Variants in TMTC1 observed in about 807,000 individuals in gnomAD.
The protein encoded by TMTC1 is transmembrane O-mannosyltransferase targeting cadherins 1.
In TMTC1, 73 loss-of-function variants were observed where a neutral mutation model predicts 104.8. That is an observed-to-expected ratio of 0.70 (90% CI 0.58 to 0.85). The LOEUF (loss-of-function observed/expected upper bound fraction) is 0.85, where lower values mean the gene tolerates loss of function less well. TMTC1 is among the 40% of genes least tolerant of loss of function. The probability of loss-of-function intolerance (pLI) is 0.00; values close to 1 mark genes in which losing one functional copy is unlikely to be tolerated. For missense variants in TMTC1, 1,035 were observed against 1,096.1 expected (o/e 0.94, Z 0.79); for synonymous variants, 434 against 428.7 (o/e 1.01, Z -0.15).
chr12:29,650,563 A>G (rs1344525911), intron 5 of TMTC1, among the ~76,000 whole-genome samples: 14 of 152,214 alleles, frequency 9.2e-5, no homozygotes, highest in Non-Finnish European at 7.3e-5. Context: ...TCATCCTTTC[A>G]GTGACCAGAT....
At chr12:29,763,244 G>C (rs1373431507) in intron 2 of TMTC1, among the ~76,000 whole-genome samples, 1 of 152,228 alleles carries the variant, frequency 6.6e-6, no homozygotes. Context: ...GAAGCTCAAA[G>C]AGGGTGTTCA....
chr12:29,516,599 T>G, intron 14 of TMTC1, 113 bp from the exon 15 acceptor site: 1 of 1,269,576 alleles, frequency 7.9e-7, no homozygotes, highest in Non-Finnish European at 1.1e-6. Flanking sequence ...TCAGCATCAA[T>G]TTAGTGACTC....
In TMTC1 at chr12:29,605,620, C is replaced by T. The variant is rs145867703; in HGVS notation, c.1129-1321G>A. On this transcript the variant is annotated intron_variant, in intron 6 of 17. Transcript: ENST00000539277. Reference sequence around the variant, plus strand: ...ACAAATTCATTTTATTTAAAAGCTGCAAGCTATCTTTTTAATTTAGACTAT... The same window carrying T: ...ACAAATTCATTTTATTTAAAAGCTGTAAGCTATCTTTTTAATTTAGACTAT... Among the ~76,000 whole-genome samples the T allele has an allele frequency of 7.2e-4, 106 of 148,008 alleles. No homozygotes were observed. In the East Asian group the frequency reaches 0.017, roughly 24 times the overall value.
At chr12:29,568,746 C>T in intron 9 of TMTC1, 1 of 346,162 alleles carries the variant, frequency 2.9e-6, no homozygotes, top group East Asian at 7.3e-5. Flanking sequence ...TGACTTTATT[C>T]AGGGAGAATC....
At position 29,516,371 on chromosome 12, in the gene TMTC1, C is replaced by A. The variant is rs746507310; in HGVS notation, c.2285G>T (p.Ser762Ile). 2 of 1,613,644 alleles carry A rather than the reference C, an allele frequency of 1.2e-6. No individual in the cohort carries two copies. Among genetic ancestry groups the A allele is most frequent in the Non-Finnish European group, 1.7e-6 (2 of 1,179,736 alleles). ...TACCTTGTCGTGGTTCTCCTGCTTG[C>A]TATAGATGGCTGACAAGAGGCGATA... Reference protein sequence around the residue: ...ECYRLLSAIYSKQENHDKALD... With the variant: ...ECYRLLSAIYIKQENHDKALD... Residue 762 changes from serine (S) to isoleucine (I), a missense_variant, in exon 15 of 18, where the codon AGC becomes ATC. By Grantham distance (142) the Ser-to-Ile change is moderately radical (BLOSUM62 -2). Coordinates refer to ENST00000539277, the MANE Select transcript of TMTC1 (RefSeq NM_001193451.2).
chr12:29,593,363 T>C (rs915019043), intron 7 of TMTC1, among the ~76,000 whole-genome samples: 1 of 152,226 alleles, frequency 6.6e-6, no homozygotes, highest in Non-Finnish European at 1.5e-5. Flanking sequence ...TATACTACTC[T>C]ATCAGTTACA....
Position 29,526,921 on chromosome 12 carries a change from AT to A in TMTC1, c.1786-6202del, listed in dbSNP as rs1944365263. Among the ~76,000 whole-genome samples, 3 of 152,212 alleles carry A rather than the reference AT, an allele frequency of 2.0e-5. 1 individual carries two copies. In the South Asian group the frequency reaches 6.2e-4, roughly 31 times the overall value. On this transcript the variant is annotated intron_variant, in intron 11 of 17. Coordinates refer to ENST00000539277, the MANE Select transcript of TMTC1 (RefSeq NM_001193451.2). ...TGGAACATATATTAATAATGTATTC[AT>A]AAAAACATAACTCAAGGCTAAACAT...
chr12:29,565,733 GTTAC>G (rs1306177203), intron 9 of TMTC1, among the ~76,000 whole-genome samples: 1 of 152,132 alleles, frequency 6.6e-6, no homozygotes, highest in Non-Finnish European at 1.5e-5. Flanking sequence ...TGTAATCCCA[GTTAC>G]TTGGGAGGCT....
rs113702844 is a variant in TMTC1 at position 29,635,816 on chromosome 12, C to T, written c.939-2480G>A. Among the ~76,000 whole-genome samples the T allele has an allele frequency of 5.8e-3, 876 of 152,220 alleles. 6 individuals are homozygous for T. The highest frequency in any genetic ancestry group is 0.02 in the African/African-American group (823 of 41,540). ...AATCCAGACTGTGGGAAACAAAGGG[C>T]CCAGATTCTTAAACAAGTACGTTGT... On this transcript the variant is annotated intron_variant, in intron 5 of 17. Transcript: ENST00000539277.
chr12:29,774,054 T>C (rs945802565), intron 1 of TMTC1, among the ~76,000 whole-genome samples: 1 of 152,154 alleles, frequency 6.6e-6, no homozygotes, highest in Non-Finnish European at 1.5e-5. Context: ...GCAGGTGGCA[T>C]GTGATAAACG....
At chr12:29,746,402 A>G (rs1942956931) in intron 5 of TMTC1, among the ~76,000 whole-genome samples, 1 of 152,190 alleles carries the variant, frequency 6.6e-6, no homozygotes, top group African/African-American at 2.4e-5. Flanking sequence ...TCACCTGCAA[A>G]TCTCATATCA....
At chr12:29,651,938 G>A (rs911928923) in intron 5 of TMTC1, among the ~76,000 whole-genome samples, 1 of 151,974 alleles carries the variant, frequency 6.6e-6, no homozygotes, top group African/African-American at 2.4e-5. Context: ...GAATTCCCCA[G>A]TGGAAGAGAT....
rs748835443 is a variant in TMTC1, at chr12:29,755,821, G to A, written c.619C>T (p.Leu207Phe). 17 of 1,614,048 alleles carry A rather than the reference G, an allele frequency of 1.1e-5. No homozygotes were observed. Among genetic ancestry groups the A allele is most frequent in the African/African-American group, 8.0e-5 (6 of 74,920 alleles). ...GCACAGGTCCCCAGAAACAAACTGA[G>A]CAGCAAGAAGAAGGGAGACACCGTG... ...PSTVSPFFLL[L>F]SLFLGTCAML... Residue 207 changes from leucine (L) to phenylalanine (F), a missense_variant, in exon 4 of 18, where the codon CTC becomes TTC. By Grantham distance (22) the Leu-to-Phe change is conservative. Coordinates refer to ENST00000539277, the MANE Select transcript of TMTC1 (RefSeq NM_001193451.2).
intron 5 of TMTC1, among the ~76,000 whole-genome samples, chr12:29,644,007 T>G (rs1318567944): frequency 2.6e-5 from 3 of 114,342 alleles, no homozygotes; most frequent in South Asian, 2.5e-4. Flanking sequence ...TATATAAATA[T>G]AAATATATAA....
At chr12:29,594,908 T>C (rs935090532) in intron 7 of TMTC1, among the ~76,000 whole-genome samples, 5 of 152,226 alleles carry the variant, frequency 3.3e-5, no homozygotes, top group Non-Finnish European at 5.9e-5. Flanking sequence ...ATGAAGAGGT[T>C]TGAAGAACCA....
At chr12:29,590,264 CA>C (rs1320755531) in intron 7 of TMTC1, among the ~76,000 whole-genome samples, 2 of 151,832 alleles carry the variant, frequency 1.3e-5, no homozygotes, top group African/African-American at 4.8e-5. Flanking sequence ...AGACTGCAAT[CA>C]CATCCTATTC....
chr12:29,776,353 G>T (rs1157607712), intron 1 of TMTC1, among the ~76,000 whole-genome samples: 1 of 152,206 alleles, frequency 6.6e-6, no homozygotes, highest in Non-Finnish European at 1.5e-5. Flanking sequence ...TCAGTAAACA[G>T]AACCCATTGG....
chr12:29,650,470 A>G (rs1939464434), intron 5 of TMTC1, among the ~76,000 whole-genome samples: 1 of 152,000 alleles, frequency 6.6e-6, no homozygotes, highest in Non-Finnish European at 1.5e-5. Context: ...CATCCCAGCC[A>G]CCTACCCTAG....
intron 11 of TMTC1, among the ~76,000 whole-genome samples, chr12:29,525,061 AG>A (rs58472724): frequency 0.16 from 24,191 of 148,428 alleles, 2,770 homozygotes; most frequent in African/African-American, 0.33. Flanking sequence ...ATGGGTGTAT[AG>A]GTCAAAGAGT....
Sources: gnomAD v4.1 joint callset for allele counts (sites outside exome capture counted in the v4.1 genomes callset) on GRCh38, gnomAD v4.1.1 for gene constraint, MANE v1.5 for transcripts, NCBI Gene and HGNC (gene_info 2026-07-23, HGNC 2026-07-21) for gene names.